The following ASAP3 variants were observed in gnomAD, a reference collection of about 807,000 sequenced individuals.
ASAP3 encodes the protein ArfGAP with SH3 domain, ankyrin repeat and PH domain 3.
In ASAP3, 85 loss-of-function variants were observed where a neutral mutation model predicts 118.2. The ratio of observed to expected loss-of-function variants is 0.72; its 90% CI spans 0.60 to 0.86. The LOEUF (loss-of-function observed/expected upper bound fraction) is 0.86, where lower values mean the gene tolerates loss of function less well. Ranked by LOEUF, ASAP3 falls within the 40% of genes least tolerant of loss-of-function variation. ASAP3 has a pLI of 0.00. For synonymous variants in ASAP3, 432 were observed against 477.4 expected, an observed-to-expected ratio of 0.90 and a Z score of 1.24; for missense variants, 1,026 against 1,175.0, an observed-to-expected ratio of 0.87 and a Z score of 1.85.
rs1640532385 is a variant in ASAP3, at chr1:23,433,719, A to G, written c.1952-26T>C. ...CTGTGAGCGGGGAAAGTCAGGGTTCATGGTCATAGTCAAAGAAACATTACA... is the reference window on the plus strand; with the variant it reads ...CTGTGAGCGGGGAAAGTCAGGGTTCGTGGTCATAGTCAAAGAAACATTACA... On this transcript the variant is annotated intron_variant, in intron 19 of 24. Coordinates refer to ENST00000336689, the MANE Select transcript of ASAP3 (RefSeq NM_017707.4). 2.5e-6 allele frequency: 4 copies of G among 1,613,824 alleles called. No individual in the cohort carries two copies. The South Asian group carries it at 3.3e-5, about 13-fold the overall frequency.
rs1640698941 is a variant in ASAP3, at chr1:23,437,127, G to A, written c.1342+3C>T. ...CCCTCCTGCCCCGGCCCCGGGGACCGACCTGCAGCCCCGCAGTCGCAGCAC... is the reference window on the plus strand; with the variant it reads ...CCCTCCTGCCCCGGCCCCGGGGACCAACCTGCAGCCCCGCAGTCGCAGCAC... On this transcript the variant is annotated splice_donor_region_variant and intron_variant, in intron 14 of 24. Coordinates refer to ENST00000336689, the MANE Select transcript of ASAP3 (RefSeq NM_017707.4). The surrounding 1 kb of genome is among the most constrained non-coding windows in gnomAD (Gnocchi z 6.1). The A allele has an allele frequency of 1.2e-6, 2 of 1,602,692 alleles. No homozygotes were observed. The highest frequency in any genetic ancestry group is 1.7e-4 in the Middle Eastern group (1 of 6,036).
At chr1:23,430,123 A>G (rs769925044) in intron 24 of ASAP3, among the ~76,000 whole-genome samples, 193 bp from the exon 25 acceptor site, 2 of 152,246 alleles carry the variant, frequency 1.3e-5, no homozygotes, top group East Asian at 1.9e-4. Context: ...AGCTCTTGCT[A>G]TCATACACAC....
intron 1 of ASAP3, among the ~76,000 whole-genome samples, chr1:23,475,896 T>G (rs1368881558): frequency 6.6e-6 from 1 of 152,094 alleles, no homozygotes; most frequent in Non-Finnish European, 1.5e-5. Context: ...AAGGCTGTGG[T>G]GAGCTATGAC....
At chr1:23,466,320 A>C (rs1230920258) in intron 1 of ASAP3, among the ~76,000 whole-genome samples, 1 of 152,248 alleles carries the variant, frequency 6.6e-6, no homozygotes, top group East Asian at 1.9e-4. Flanking sequence ...TTTAGATTTC[A>C]TTCAAAGCTA....
At chr1:23,451,591 C>G (rs946752611) in intron 4 of ASAP3, 63 bp from the exon 5 acceptor site, 2 of 1,556,778 alleles carry the variant, frequency 1.3e-6, no homozygotes, top group African/African-American at 2.7e-5. Context: ...AAACAGTATG[C>G]TCTGCTGCCT....
chr1:23,430,733 C>T (rs1640396847), intron 24 of ASAP3, among the ~76,000 whole-genome samples: 1 of 152,218 alleles, frequency 6.6e-6, no homozygotes, highest in African/African-American at 2.4e-5. Context: ...TCCTCAGCTT[C>T]ACCCAGCCCT....
intron 1 of ASAP3, among the ~76,000 whole-genome samples, chr1:23,464,532 C>T (rs1641699955): frequency 6.6e-6 from 1 of 151,712 alleles, no homozygotes. Context: ...CTGTGACACA[C>T]ACCTGTAGTC....
At position 23,429,915 on chromosome 1, in the gene ASAP3, C is replaced by A. The variant is rs763061579; in HGVS notation, c.2653G>T (p.Gly885Ter). Residue 885 changes from glycine (G) to a stop codon, truncating the protein, a stop_gained, in exon 25 of 25, where the codon GGA (glycine) becomes TGA (stop). Transcript: ENST00000336689. LOFTEE classifies it high-confidence loss of function. ...RRNVPVGITE[G>*]DGSRTGSLPA... is the part of the protein sequence containing the mutation. ...AGACTCCCAGTCCTTGAGCCATCTC[C>A]TTCAGTGATGCCAACCTGCAGAAAG... 6.2e-7 allele frequency: 1 copy of A among 1,613,946 alleles called. No individual in the cohort carries two copies. The highest frequency in any genetic ancestry group is 2.2e-5 in the East Asian group (1 of 44,884).
At position 23,442,259 on chromosome 1, in the gene ASAP3, C is replaced by G. The variant is rs765029335; in HGVS notation, c.598G>C (p.Ala200Pro). The G allele has an allele frequency of 1.2e-6, 2 of 1,604,816 alleles. No individual in the cohort carries two copies. The highest frequency in any genetic ancestry group is 1.1e-5 in the South Asian group (1 of 88,694). Residue 200 changes from alanine to proline, a missense_variant, in exon 7 of 25, where the codon GCC becomes CCC. Transcript: ENST00000336689. ...CCTTGCTTCATCTGGCTCTCCCCGG[C>G]TTTGAGCAGATACTAGGAGGAGGGC... is the stretch of plus-strand genomic sequence containing the variant. ...QLHMCEYLLKAGESQMKQGPD... is the reference protein window; with the variant it reads ...QLHMCEYLLKPGESQMKQGPD...
intron 1 of ASAP3, among the ~76,000 whole-genome samples, chr1:23,468,688 G>GCCAAA (rs796776941): frequency 6.6e-6 from 1 of 151,326 alleles, no homozygotes; most frequent in Admixed American, 6.6e-5. Flanking sequence ...CTTTAGTTGA[G>GCCAAA]ATAGGGTGAA....
intron 10 of ASAP3, among the ~76,000 whole-genome samples, chr1:23,439,632 A>C (rs982982274): frequency 6.6e-6 from 1 of 152,190 alleles, no homozygotes; most frequent in Non-Finnish European, 1.5e-5. Context: ...CAAGATCAAT[A>C]TTAATATCCC....
chr1:23,429,876 C>A lies in ASAP3; in HGVS notation c.2692G>T (p.Val898Leu). ...AGGAGCTAGTCTTGCAAAAGTTGCA[C>A]AGAACTTGCTGGGAGACTCCCAGTC... ...SRTGSLPASS[V>L]QLLQD Residue 898 changes from valine (V) to leucine (L), a missense_variant, in exon 25 of 25, where the codon GTG (valine) becomes TTG (leucine). Coordinates refer to ENST00000336689, the MANE Select transcript of ASAP3 (RefSeq NM_017707.4). 6 of 1,613,956 alleles carry A rather than the reference C, an allele frequency of 3.7e-6. No homozygotes were observed. Among genetic ancestry groups the A allele is most frequent in the Non-Finnish European group, 5.1e-6 (6 of 1,179,934 alleles).
In ASAP3 at chr1:23,455,930, A is replaced by C. The variant is rs749734430; in HGVS notation, c.299T>G (p.Leu100Arg). The change falls in exon 3 of 25, where the codon CTA (leucine) becomes CGA (arginine). Residue 100 changes from leucine (L) to arginine (R), a missense_variant. Transcript: ENST00000336689. ...QNSHELSTGF[L>R]NLAVFTREVA... Reference sequence around the variant, plus strand: ...CTCGCGGGTGAACACGGCCAAGTTTAGGAAGCCTGTGGACAGCTCATGGCT... The same window carrying C: ...CTCGCGGGTGAACACGGCCAAGTTTCGGAAGCCTGTGGACAGCTCATGGCT... 2.5e-6 allele frequency: 4 copies of C among 1,614,162 alleles called. No homozygotes were observed. Among genetic ancestry groups the C allele is most frequent in the Non-Finnish European group, 3.4e-6 (4 of 1,180,022 alleles).
Position 23,441,651 on chromosome 1 carries a change from T to C in ASAP3, c.747+4A>G, listed in dbSNP as rs762537009. 4.3e-6 allele frequency: 7 copies of C among 1,614,042 alleles called. No individual in the cohort carries two copies. Among genetic ancestry groups the C allele is most frequent in the Non-Finnish European group, 5.1e-6 (6 of 1,180,026 alleles). On this transcript the variant is annotated splice_donor_region_variant and intron_variant, in intron 8 of 24. Transcript: ENST00000336689. ...CACGTGCCCAAGGGTGAGACCCAACTTACTGCATGTACTGAGGCCGCCAGC... is the reference window on the plus strand; with the variant it reads ...CACGTGCCCAAGGGTGAGACCCAACCTACTGCATGTACTGAGGCCGCCAGC...
upstream of ASAP3, chr1:23,484,268 C>T (rs1642438233): frequency 1.1e-6 from 1 of 887,038 alleles, no homozygotes; most frequent in Non-Finnish European, 1.5e-6. Flanking sequence ...GCCCCGCCCC[C>T]GACCCTCCAG....
In ASAP3 at chr1:23,442,265, G is replaced by C; in HGVS notation, c.592C>G (p.Leu198Val). The C allele has an allele frequency of 6.9e-6, 11 of 1,603,598 alleles. No homozygotes were observed. The highest frequency in any genetic ancestry group is 9.4e-6 in the Non-Finnish European group (11 of 1,175,542). Residue 198 changes from leucine to valine, a missense_variant, in exon 7 of 25, where the codon CTC (leucine) becomes GTC (valine). By Grantham distance (32) the Leu-to-Val change is conservative (BLOSUM62 1). Transcript: ENST00000336689. ...TTCATCTGGCTCTCCCCGGCTTTGA[G>C]CAGATACTAGGAGGAGGGCAGGGCA... ...IFQLHMCEYL[L>V]KAGESQMKQG...
intron 5 of ASAP3, among the ~76,000 whole-genome samples, chr1:23,446,055 G>A (rs1641037641): frequency 6.6e-6 from 1 of 152,114 alleles, no homozygotes; most frequent in African/African-American, 2.4e-5. Flanking sequence ...AAAGCCTGAG[G>A]ATATAGGCAG....
In ASAP3 at chr1:23,431,784, CT is replaced by C. The variant is rs1640444418; in HGVS notation, c.2457del (p.Glu820ArgfsTer14). 6.5e-7 allele frequency: 1 copy of C among 1,540,874 alleles called. No individual in the cohort carries two copies. Among genetic ancestry groups the C allele is most frequent in the African/African-American group, 1.4e-5 (1 of 70,908 alleles). On this transcript the variant is annotated frameshift_variant, in exon 23 of 25. Coordinates refer to ENST00000336689, the MANE Select transcript of ASAP3 (RefSeq NM_017707.4). LOFTEE classifies it high-confidence loss of function. ...GTGCCTGGGGGCTCTCGGAGGCCCTCTTCAGAGTTGGGTGGGGCTTGGCTGG... is the reference window on the plus strand; with the variant it reads ...GTGCCTGGGGGCTCTCGGAGGCCCTCTCAGAGTTGGGTGGGGCTTGGCTGG... ...GDPSQAPPNS[E>X]EGLREPPGTS...
Position 23,446,582 on chromosome 1 carries a change from C to T in ASAP3, c.474-3970G>A, listed in dbSNP as rs193071410. On this transcript the variant is annotated intron_variant, in intron 5 of 24. Coordinates refer to ENST00000336689, the MANE Select transcript of ASAP3 (RefSeq NM_017707.4). ...CCTCCCAAGTAGCTGGGATTACAGG[C>T]GCCCACAACCACACCCAGCTAATTT... Among the ~76,000 whole-genome samples, 899 of 151,968 alleles carry T rather than the reference C, an allele frequency of 5.9e-3. 15 individuals carry two copies. The highest frequency in any genetic ancestry group is 0.02 in the African/African-American group (840 of 41,440).
Sources: allele counts gnomAD v4.1 joint callset (sites outside exome capture counted in the v4.1 genomes callset), GRCh38; gene constraint gnomAD v4.1.1; non-coding constraint Gnocchi (gnomAD v3.1); transcripts MANE v1.5; gene names NCBI Gene and HGNC (gene_info 2026-07-23, HGNC 2026-07-21).